Variants in ACSM2B observed in about 807,000 individuals in gnomAD.
The protein encoded by ACSM2B is acyl-CoA synthetase medium chain family member 2B.
Under a neutral mutation model 78.6 loss-of-function variants are expected in ACSM2B, and 58 were observed. That is an observed-to-expected ratio of 0.74 (90% CI 0.60 to 0.92). The LOEUF is 0.92. Ranked by LOEUF, ACSM2B falls within the 40% of genes least tolerant of loss-of-function variation. The pLI, the probability that ACSM2B is intolerant of heterozygous loss-of-function variation, is 0.00. For synonymous variants in ACSM2B, 257 were observed against 256.8 expected, an observed-to-expected ratio of 1.00 and a Z score of -0.01; for missense variants, 688 against 711.2, an observed-to-expected ratio of 0.97 and a Z score of 0.37.
At chr16:20,552,787 G>A (rs528697852) in intron 5 of ACSM2B, among the ~76,000 whole-genome samples, 2 of 152,242 alleles carry the variant, frequency 1.3e-5, no homozygotes, top group South Asian at 4.1e-4. Flanking sequence ...TCTTTTCAGG[G>A]CAGAATAAAA....
chr16:20,565,070 C>T (rs2015782759), intron 1 of ACSM2B, among the ~76,000 whole-genome samples: 1 of 152,090 alleles, frequency 6.6e-6, no homozygotes, highest in Non-Finnish European at 1.5e-5. Flanking sequence ...GTCCTAGATC[C>T]TACATATTCA....
intron 6 of ACSM2B, among the ~76,000 whole-genome samples, chr16:20,549,252 G>A (rs1020025238): frequency 6.6e-6 from 1 of 152,108 alleles, no homozygotes; most frequent in African/African-American, 2.4e-5. Context: ...TCTGTTTTCT[G>A]TTGTTATAAC....
chr16:20,550,515 A>T (rs1257618889), intron 6 of ACSM2B, among the ~76,000 whole-genome samples: 1 of 152,184 alleles, frequency 6.6e-6, no homozygotes, highest in Non-Finnish European at 1.5e-5. Flanking sequence ...GAACTTATTA[A>T]AAACCAGTTC....
At chr16:20,560,728 A>T (rs550391139) in intron 2 of ACSM2B, among the ~76,000 whole-genome samples, 3 of 152,090 alleles carry the variant, frequency 2.0e-5, no homozygotes, top group African/African-American at 4.8e-5. Flanking sequence ...ATGGGAAGAA[A>T]TTGAAGAGTT....
chr16:20,564,752 A>T lies in ACSM2B; in HGVS notation c.94T>A (p.Ser32Thr), dbSNP rs1427638614. 2 of 1,613,594 alleles carry T rather than the reference A, an allele frequency of 1.2e-6. No homozygotes were observed. The highest frequency in any genetic ancestry group is 2.7e-5 in the African/African-American group (2 of 75,010). ...ACTTCCTGGTGGCCCCACTGCAGGG[A>T]CACCAGTTGCCTACTATTAATGTAG... ...TLYINSRQLV[S>T]LQWGHQEVPA... The change falls in exon 2 of 14, where the codon TCC (serine) becomes ACC (threonine). Residue 32 changes from serine to threonine, a missense_variant. Ser to Thr is a moderately conservative substitution (Grantham distance 58). Coordinates refer to ENST00000329697, the MANE Select transcript of ACSM2B (RefSeq NM_001105069.2).
intron 10 of ACSM2B, among the ~76,000 whole-genome samples, chr16:20,544,254 G>A (rs1382013122): frequency 1.3e-5 from 2 of 152,140 alleles, no homozygotes; most frequent in Admixed American, 6.5e-5. Context: ...TAATCATTTG[G>A]ATCTACAACA....
intron 13 of ACSM2B, among the ~76,000 whole-genome samples, chr16:20,537,807 G>A (rs1281008081): frequency 1.3e-5 from 2 of 152,188 alleles, no homozygotes; most frequent in African/African-American, 2.4e-5. Flanking sequence ...TTGGTATGGA[G>A]TAACCACTGA....
intron 3 of ACSM2B, among the ~76,000 whole-genome samples, chr16:20,556,573 G>A (rs889169047): frequency 1.3e-5 from 2 of 152,186 alleles, no homozygotes; most frequent in African/African-American, 2.4e-5. Flanking sequence ...CTGCACTCCA[G>A]CCTGGACTAC....
chr16:20,559,572 T>C, intron 2 of ACSM2B, 125 bp from the exon 3 acceptor site: 1 of 1,347,022 alleles, frequency 7.4e-7, no homozygotes, highest in Admixed American at 2.7e-5. Flanking sequence ...CTCCATACAA[T>C]CATAAAAAGT....
At chr16:20,552,094 A>T (rs773825195) in intron 6 of ACSM2B, 50 bp downstream of exon 6, 75 of 1,546,446 alleles carry the variant, frequency 4.8e-5, no homozygotes, top group Non-Finnish European at 6.3e-5. Context: ...TGAAGTGTGC[A>T]AACCTCGGGC....
At chr16:20,543,430 A>T (rs1342206497) in intron 10 of ACSM2B, among the ~76,000 whole-genome samples, 168 bp from the exon 11 acceptor site, 1 of 152,212 alleles carries the variant, frequency 6.6e-6, no homozygotes, top group Non-Finnish European at 1.5e-5. Flanking sequence ...CCACAGGCAG[A>T]ACTGGATTTT....
intron 6 of ACSM2B, among the ~76,000 whole-genome samples, chr16:20,550,838 G>A (rs960441838): frequency 6.6e-6 from 1 of 152,134 alleles, no homozygotes; most frequent in African/African-American, 2.4e-5. Context: ...GCTGCAGTTT[G>A]TGGGTCTTAT....
rs559620196 is a variant in ACSM2B at position 20,555,329 on chromosome 16, A to C, written c.536T>G (p.Ile179Ser). 4 of 1,613,912 alleles carry C rather than the reference A, an allele frequency of 2.5e-6. No individual in the cohort carries two copies. In the East Asian group the frequency reaches 8.9e-5, roughly 36 times the overall value. The change falls in exon 4 of 14, where the codon ATT (isoleucine) becomes AGT (serine). Residue 179 changes from isoleucine (I) to serine (S), a missense_variant. Physicochemically the swap from Ile to Ser is moderately radical, Grantham distance 142 (BLOSUM62 -2). Coordinates refer to ENST00000329697, the MANE Select transcript of ACSM2B (RefSeq NM_001105069.2). ...GCTTTTCTCAGACACCAGTAGCTTA[A>C]TTCTCAGAGAAGGACATTCAGATGC... Reference protein sequence around the residue: ...TVASECPSLRIKLLVSEKSCD... With the variant: ...TVASECPSLRSKLLVSEKSCD...
intron 3 of ACSM2B, among the ~76,000 whole-genome samples, chr16:20,557,708 A>G (rs1252667534): frequency 6.6e-6 from 1 of 152,128 alleles, no homozygotes; most frequent in African/African-American, 2.4e-5. Context: ...CCACCTCTAC[A>G]TGTTCATTCT....
At chr16:20,565,708 G>A (rs1469104974) in intron 1 of ACSM2B, among the ~76,000 whole-genome samples, 1 of 152,030 alleles carries the variant, frequency 6.6e-6, no homozygotes, top group Admixed American at 6.6e-5. Context: ...TTGGTGATTT[G>A]TGACATTGTT....
intron 9 of ACSM2B, 110 bp downstream of exon 9, chr16:20,546,284 T>C (rs867264029): frequency 6.9e-7 from 1 of 1,456,494 alleles, no homozygotes; most frequent in South Asian, 1.7e-5. Context: ...TGATATTATC[T>C]TAATATCAGT....
chr16:20,538,225 G>A (rs1290222847), intron 13 of ACSM2B, among the ~76,000 whole-genome samples: 11 of 152,184 alleles, frequency 7.2e-5, no homozygotes, highest in Non-Finnish European at 1.5e-4. Flanking sequence ...TCTTCTATAA[G>A]TCAAGACTGA....
chr16:20,566,750 C>CTATA (rs1567218696), intron 1 of ACSM2B, among the ~76,000 whole-genome samples: 1 of 42,442 alleles, frequency 2.4e-5, no homozygotes, highest in Admixed American at 3.5e-4. Context: ...ACTATATATA[C>CTATA]TATATATAGT....
chr16:20,570,833 C>T (rs2016071755), intron 1 of ACSM2B, among the ~76,000 whole-genome samples: 2 of 151,884 alleles, frequency 1.3e-5, no homozygotes, highest in South Asian at 2.1e-4. Context: ...TTATCCATCT[C>T]CTCTAAGTTT....
Sources: allele counts gnomAD v4.1 joint callset (sites outside exome capture counted in the v4.1 genomes callset), GRCh38; gene constraint gnomAD v4.1.1; transcripts MANE v1.5; gene names NCBI Gene and HGNC (gene_info 2026-07-23, HGNC 2026-07-21).